Variants in NEURL1 observed in about 807,000 individuals in gnomAD.
NEURL1 encodes E3 ubiquitin-protein ligase NEURL1.
A neutral mutation model predicts 41.2 loss-of-function variants in NEURL1; 26 were observed. The observed-to-expected ratio is 0.63, with a 90% CI of 0.46 to 0.87. NEURL1 has a LOEUF of 0.87. Among genes scored for constraint, NEURL1 ranks in the 40% least tolerant of loss-of-function variants. The pLI is 0.00. For synonymous variants in NEURL1, 400 were observed against 402.3 expected (o/e 0.99, Z 0.07); for missense variants, 761 against 871.1 (o/e 0.87, Z 1.59).
intron 1 of NEURL1, among the ~76,000 whole-genome samples, chr10:103,552,191 C>T (rs1255999201): frequency 6.6e-6 from 1 of 152,146 alleles, no homozygotes; most frequent in Non-Finnish European, 1.5e-5. Context: ...CTCCCTCACC[C>T]TTCACAACCA....
chr10:103,520,448 A>G (rs563885622), intron 1 of NEURL1, among the ~76,000 whole-genome samples: 2 of 152,172 alleles, frequency 1.3e-5, no homozygotes, highest in African/African-American at 4.8e-5. Flanking sequence ...GAGCCAGGAG[A>G]AGGAATTTCA....
At chr10:103,525,364 T>TCTTTTTC (rs1184754825) in intron 1 of NEURL1, among the ~76,000 whole-genome samples, 12 of 149,378 alleles carry the variant, frequency 8.0e-5, no homozygotes, top group Admixed American at 7.4e-4. Context: ...TTTTCTTTTT[T>TCTTTTTC]TTTTTTTGAG....
intron 1 of NEURL1, among the ~76,000 whole-genome samples, chr10:103,552,828 C>T (rs2035062808): frequency 1.3e-5 from 2 of 150,916 alleles, no homozygotes; most frequent in African/African-American, 5.0e-5. Flanking sequence ...TGTATAGGAC[C>T]GAGTAGGGTA....
At chr10:103,577,063 T>C (rs1045608972) in intron 3 of NEURL1, among the ~76,000 whole-genome samples, 2 of 152,162 alleles carry the variant, frequency 1.3e-5, no homozygotes, top group African/African-American at 2.4e-5. Context: ...GAGGCAAATA[T>C]TAGTTTAAGG....
intron 1 of NEURL1, among the ~76,000 whole-genome samples, chr10:103,564,894 G>GTA (rs1303577547): frequency 3.3e-5 from 5 of 152,106 alleles, no homozygotes; most frequent in South Asian, 2.1e-4. Flanking sequence ...GGAGGAGGGG[G>GTA]TAGCAGGAGC....
Position 103,567,302 on chromosome 10 carries a change from T to A in NEURL1, c.86-3570T>A, listed in dbSNP as rs545039423. On this transcript the variant is annotated intron_variant, in intron 1 of 5. Transcript: ENST00000369780. Reference sequence around the variant, plus strand: ...CCCAGCCTGAAGGAACCTTTTTTTTTCTTCGTTTATAGGTTATGAGTATTT... The same window carrying A: ...CCCAGCCTGAAGGAACCTTTTTTTTACTTCGTTTATAGGTTATGAGTATTT... Among the ~76,000 whole-genome samples the A allele has an allele frequency of 5.9e-5, 9 of 151,872 alleles. No homozygotes were observed. In the East Asian group the frequency reaches 1.8e-3, roughly 30 times the overall value.
intron 1 of NEURL1, among the ~76,000 whole-genome samples, chr10:103,534,180 A>ATTT (rs35899711): frequency 2.8e-4 from 39 of 138,660 alleles, no homozygotes; most frequent in Admixed American, 7.2e-4. Flanking sequence ...GTCTATCTGT[A>ATTT]TTTTTTTTTT....
At chr10:103,569,533 C>G (rs2035493047) in intron 1 of NEURL1, among the ~76,000 whole-genome samples, 4 of 152,188 alleles carry the variant, frequency 2.6e-5, no homozygotes. Flanking sequence ...CCAGGCAGGG[C>G]ACCTGTAGCC....
At chr10:103,554,798 A>AACC (rs1403338260) in intron 1 of NEURL1, among the ~76,000 whole-genome samples, 1 of 152,188 alleles carries the variant, frequency 6.6e-6, no homozygotes, top group East Asian at 1.9e-4. Context: ...CTTGATTGTG[A>AACC]ACCTCTTGAG....
intron 1 of NEURL1, among the ~76,000 whole-genome samples, chr10:103,512,529 G>T (rs1410326830): frequency 1.3e-5 from 2 of 152,222 alleles, no homozygotes; most frequent in Non-Finnish European, 1.5e-5. Context: ...GGGTGAGGTG[G>T]TTCATGCTTG....
In NEURL1 at chr10:103,561,688, G is replaced by A. The variant is rs116777280; in HGVS notation, c.86-9184G>A. 2.4e-3 allele frequency among the ~76,000 whole-genome samples: 362 copies of A among 152,306 alleles called. 2 individuals carry two copies. Among genetic ancestry groups the A allele is most frequent in the African/African-American group, 7.9e-3 (327 of 41,574 alleles). On this transcript the variant is annotated intron_variant, in intron 1 of 5. Coordinates refer to ENST00000369780, the MANE Select transcript of NEURL1 (RefSeq NM_004210.5). Reference sequence around the variant, plus strand: ...AGGGATTGTTGGGGCCATTTTAGAGGCTGTTCCCATAGACACCTGCCTTGC... The same window carrying A: ...AGGGATTGTTGGGGCCATTTTAGAGACTGTTCCCATAGACACCTGCCTTGC...
In NEURL1 at chr10:103,545,970, C is replaced by A. The variant is rs1030122488; in HGVS notation, c.86-24902C>A. On this transcript the variant is annotated intron_variant, in intron 1 of 5. Coordinates refer to ENST00000369780, the MANE Select transcript of NEURL1 (RefSeq NM_004210.5). The surrounding 1 kb of genome is among the most constrained non-coding windows in gnomAD (Gnocchi z 4.5). ...GATGGTGACTGTGGGCACACTACAGCCAAAGTCCAGGGCAGTCCACATTGG... is the reference window on the plus strand; with the variant it reads ...GATGGTGACTGTGGGCACACTACAGACAAAGTCCAGGGCAGTCCACATTGG... Among the ~76,000 whole-genome samples the A allele has an allele frequency of 4.6e-5, 7 of 152,150 alleles. No homozygotes were observed. The highest frequency in any genetic ancestry group is 1.7e-4 in the African/African-American group (7 of 41,430).
At chr10:103,586,394 GA>G (rs956650113) in intron 4 of NEURL1, among the ~76,000 whole-genome samples, 19 of 152,152 alleles carry the variant, frequency 1.2e-4, no homozygotes, top group Admixed American at 1.2e-3. Context: ...CAGATTCTTG[GA>G]CCCCCCCTCC....
chr10:103,558,371 T>A lies in NEURL1; in HGVS notation c.86-12501T>A. On this transcript the variant is annotated intron_variant, in intron 1 of 5. Transcript: ENST00000369780. The surrounding 1 kb of genome is among the most constrained non-coding windows in gnomAD (Gnocchi z 4.2). Reference sequence around the variant, plus strand: ...TGAGCTTCTGATGTCAACAGATGTGTATCTGTGTTTTAGATCTCTGTGTAC... The same window carrying A: ...TGAGCTTCTGATGTCAACAGATGTGAATCTGTGTTTTAGATCTCTGTGTAC... 2 of 389,198 alleles carry A rather than the reference T, an allele frequency of 5.1e-6. No individual in the cohort carries two copies. Among genetic ancestry groups the A allele is most frequent in the Non-Finnish European group, 7.0e-6 (2 of 284,818 alleles). The allele number at this position is 389,198 out of a possible 1,614,324, so 24.1% of individuals were successfully genotyped here.
At chr10:103,519,073 T>C (rs1453395505) in intron 1 of NEURL1, among the ~76,000 whole-genome samples, 1 of 152,068 alleles carries the variant, frequency 6.6e-6, no homozygotes, top group Non-Finnish European at 1.5e-5. Flanking sequence ...GGTGAAACCC[T>C]GTCTCTACTA....
At chr10:103,572,735 C>T (rs1239181570) in intron 3 of NEURL1, among the ~76,000 whole-genome samples, 1 of 152,186 alleles carries the variant, frequency 6.6e-6, no homozygotes, top group Admixed American at 6.5e-5. Context: ...AGTGCATGTG[C>T]GCACACATAG....
At chr10:103,574,355 ACC>A (rs1421623880) in intron 3 of NEURL1, among the ~76,000 whole-genome samples, 1 of 151,466 alleles carries the variant, frequency 6.6e-6, no homozygotes, top group African/African-American at 2.4e-5. Flanking sequence ...ATCTCATTTA[ACC>A]CCTCTGAAGC....
intron 1 of NEURL1, among the ~76,000 whole-genome samples, chr10:103,553,215 G>A (rs1255046806): frequency 6.6e-6 from 1 of 152,216 alleles, no homozygotes; most frequent in Non-Finnish European, 1.5e-5. Context: ...GATCTCTTAG[G>A]GTTGTCGTGA....
At chr10:103,501,913 C>T (rs986187588) in intron 1 of NEURL1, among the ~76,000 whole-genome samples, 8 of 152,192 alleles carry the variant, frequency 5.3e-5, no homozygotes, top group East Asian at 1.9e-4. Context: ...GGATTATAGG[C>T]GTGAGCCACC....
Sources: allele counts gnomAD v4.1 joint callset (sites outside exome capture counted in the v4.1 genomes callset), GRCh38; gene constraint gnomAD v4.1.1; non-coding constraint Gnocchi (gnomAD v3.1); transcripts MANE v1.5; gene names NCBI Gene and HGNC (gene_info 2026-07-23, HGNC 2026-07-21).